The following PAM16 variants were observed in gnomAD, a reference collection of about 807,000 sequenced individuals.
The protein encoded by PAM16 is mitochondrial import inner membrane translocase subunit TIM16.
Under a neutral mutation model 17.9 loss-of-function variants are expected in PAM16, and 11 were observed. The ratio of observed to expected loss-of-function variants is 0.62; its 90% CI spans 0.39 to 1.02. The LOEUF is 1.02. Among genes scored for constraint, PAM16 ranks in the 50% least tolerant of loss-of-function variants. The pLI is 0.01. For missense variants in PAM16, 199 were observed against 165.4 expected (o/e 1.20, Z -1.11); for synonymous variants, 72 against 67.4 (o/e 1.07, Z -0.34).
At chr16:4,345,098 T>C (rs181119522) in intron 1 of PAM16, among the ~76,000 whole-genome samples, 1 of 151,882 alleles carries the variant, frequency 6.6e-6, no homozygotes, top group South Asian at 2.1e-4. Flanking sequence ...AGACAGCACA[T>C]ACAAAGGATC....
rs1279630968 is a variant in PAM16, at chr16:4,340,386, C to G, written c.311G>C (p.Arg104Pro). ...LQSKVVRAKE[R>P]LDEELKIQAQ... is the part of the protein sequence containing the mutation. ...CTGGATTTTGAGTTCCTCATCCAGG[C>G]GCTCCTTTGCGCGGACCACCTAGTG... Residue 104 changes from arginine to proline, a missense_variant, in exon 5 of 5, where the codon CGC becomes CCC. Arg to Pro is a moderately radical substitution (Grantham distance 103, BLOSUM62 -2). Coordinates refer to ENST00000318059, the MANE Select transcript of PAM16 (RefSeq NM_016069.11). The G allele has an allele frequency of 6.2e-7, 1 of 1,612,472 alleles. No homozygotes were observed. The highest frequency in any genetic ancestry group is 1.1e-5 in the South Asian group (1 of 91,086).
At chr16:4,349,306 G>T (rs529860230) in intron 1 of PAM16, among the ~76,000 whole-genome samples, 11 of 152,186 alleles carry the variant, frequency 7.2e-5, no homozygotes, top group South Asian at 6.2e-4. Flanking sequence ...GGTGGCTCAC[G>T]CCTATAATCC....
rs562412323 is a variant in PAM16, at chr16:4,343,932, C to G, written c.4-641G>C. 2.5e-5 allele frequency: 10 copies of G among 398,108 alleles called. No individual in the cohort carries two copies. The South Asian group carries it at 1.3e-3, about 53-fold the overall frequency. The allele number at this position is 398,108 out of a possible 1,614,324, so 24.7% of individuals were successfully genotyped here. ...TCATTTGTGCAGCCATTGGTTCACC[C>G]ATTCATTCAAACATCTGCTGAGAGT... is the stretch of plus-strand genomic sequence containing the variant. On this transcript the variant is annotated intron_variant, in intron 1 of 4. Transcript: ENST00000318059.
chr16:4,345,471 G>A (rs1464604708), intron 1 of PAM16: 1 of 152,174 alleles, frequency 6.6e-6, no homozygotes, highest in African/African-American at 2.4e-5. Flanking sequence ...AAGCCGACAA[G>A]TATCAAGAAC....
chr16:4,344,104 C>A (rs937586381), intron 1 of PAM16: 24 of 397,186 alleles, frequency 6.0e-5, no homozygotes, highest in Admixed American at 4.4e-5. Context: ...CCATGCCCCG[C>A]AGAGGCCCTG....
intron 1 of PAM16, 50 bp from the exon 2 acceptor site, chr16:4,343,341 C>G (rs1424236943): frequency 6.4e-7 from 1 of 1,556,796 alleles, no homozygotes; most frequent in South Asian, 1.2e-5. Context: ...TGTGGGCCCA[C>G]AGAGATGGGC....
Position 4,351,264 on chromosome 16 carries a change from T to A in PAM16, c.-30A>T. On this transcript the variant is annotated 5_prime_UTR_variant, in exon 1 of 5. Transcript: ENST00000318059. ...GCCGCTCTGCCTCCGGGGCTCAAAC[T>A]CCGACTTCCTGGCCCCGCGGCCGGG... The A allele has an allele frequency of 6.8e-7, 1 of 1,462,440 alleles. No homozygotes were observed. The highest frequency in any genetic ancestry group is 9.1e-7 in the Non-Finnish European group (1 of 1,099,270). 90.6% of individuals were successfully genotyped at this position (1,462,440 alleles called of 1,614,324 possible).
chr16:4,340,461 GC>G (rs2053626200), intron 4 of PAM16, 56 bp from the exon 5 acceptor site: 31 of 1,578,230 alleles, frequency 2.0e-5, no homozygotes, highest in Admixed American at 5.1e-5. Flanking sequence ...CATACCCCTT[GC>G]CCACATGGGA....
chr16:4,351,298 G>A lies in PAM16; in HGVS notation c.-64C>T, dbSNP rs555049994. The A allele has an allele frequency of 4.5e-6, 6 of 1,345,376 alleles. No individual in the cohort carries two copies. Among genetic ancestry groups the A allele is most frequent in the Non-Finnish European group, 4.9e-6 (5 of 1,017,114 alleles). 83.3% of individuals were successfully genotyped at this position (1,345,376 alleles called of 1,614,324 possible). ...CTGGCCCCGCGGCCGGGGATCAAGC[G>A]TGGTCGGCGGGTCAGAGGTCAAGGA... On this transcript the variant is annotated 5_prime_UTR_variant, in exon 1 of 5. The change creates a new upstream start codon in the 5' untranslated region. Transcript: ENST00000318059.
chr16:4,343,981 C>A, intron 1 of PAM16: 1 of 398,090 alleles, frequency 2.5e-6, no homozygotes, highest in South Asian at 1.3e-4. Context: ...CACTTGAGCA[C>A]AAAGCTACAC....
chr16:4,350,728 T>A (rs536983827), intron 1 of PAM16, among the ~76,000 whole-genome samples: 2 of 152,264 alleles, frequency 1.3e-5, no homozygotes, highest in East Asian at 1.9e-4. Flanking sequence ...CTACCCTAGG[T>A]GACCTGACAG....
Position 4,351,317 on chromosome 16 carries a change from T to C in PAM16, c.-83A>G, listed in dbSNP as rs755566847. The C allele has an allele frequency of 3.5e-6, 4 of 1,140,662 alleles. No homozygotes were observed. The highest frequency in any genetic ancestry group is 2.1e-5 in the South Asian group (1 of 46,868). 70.7% of individuals were successfully genotyped at this position (1,140,662 alleles called of 1,614,324 possible). A position where few individuals can be genotyped will look rare whatever the true frequency, so the allele number is the denominator to read the frequency against. ...TCAAGCGTGGTCGGCGGGTCAGAGG[T>C]CAAGGAAAGCCGCAGAGAGCGCGTG... On this transcript the variant is annotated 5_prime_UTR_variant, in exon 1 of 5. Coordinates refer to ENST00000318059, the MANE Select transcript of PAM16 (RefSeq NM_016069.11).
In PAM16 at chr16:4,351,223, G is replaced by T; in HGVS notation, c.3+9C>A. On this transcript the variant is annotated intron_variant, in intron 1 of 4. Coordinates refer to ENST00000318059, the MANE Select transcript of PAM16 (RefSeq NM_016069.11). The stretch of plus-strand genomic sequence containing the variant: ...TCCCCTCCCCGGTAGCGCCCGACTC[G>T]GGGCTCACCATGGCAGCCGCTCTGC... 1 of 1,439,828 alleles carries T rather than the reference G, an allele frequency of 6.9e-7. No homozygotes were observed. The allele number at this position is 1,439,828 out of a possible 1,614,324, so 89.2% of individuals were successfully genotyped here. A position where few individuals can be genotyped will look rare whatever the true frequency, so the allele number is the denominator to read the frequency against.
At chr16:4,345,980 T>C in intron 1 of PAM16, 1 of 985,290 alleles carries the variant, frequency 1.0e-6, no homozygotes, top group Non-Finnish European at 1.2e-6. Flanking sequence ...TGCAATCACT[T>C]GTTTACTTTT....
At chr16:4,350,594 G>C (rs1243376942) in intron 1 of PAM16, among the ~76,000 whole-genome samples, 3 of 151,924 alleles carry the variant, frequency 2.0e-5, no homozygotes, top group African/African-American at 7.3e-5. Context: ...GTGGAGACCG[G>C]GTTTCATCAT....
At chr16:4,341,801 C>A in intron 2 of PAM16, 2 of 432,356 alleles carry the variant, frequency 4.6e-6, no homozygotes, top group Non-Finnish European at 4.2e-6. Flanking sequence ...CCCAGGGGAA[C>A]AGCAAATTGG....
chr16:4,344,928 C>T (rs946622376), intron 1 of PAM16, among the ~76,000 whole-genome samples: 1 of 151,840 alleles, frequency 6.6e-6, no homozygotes, highest in Non-Finnish European at 1.5e-5. Flanking sequence ...CTAGGGCTTT[C>T]TAGGCAGAGG....
rs775696253 is a variant in PAM16 at position 4,351,297 on chromosome 16, C to A, written c.-63G>T. 7.4e-7 allele frequency: 1 copy of A among 1,357,404 alleles called. No individual in the cohort carries two copies. Among genetic ancestry groups the A allele is most frequent in the Non-Finnish European group, 9.7e-7 (1 of 1,027,802 alleles). 84.1% of individuals were successfully genotyped at this position (1,357,404 alleles called of 1,614,324 possible). On this transcript the variant is annotated 5_prime_UTR_variant, in exon 1 of 5. Transcript: ENST00000318059. The stretch of plus-strand genomic sequence containing the variant: ...CCTGGCCCCGCGGCCGGGGATCAAG[C>A]GTGGTCGGCGGGTCAGAGGTCAAGG...
chr16:4,342,120 G>A (rs945955457), intron 2 of PAM16, among the ~76,000 whole-genome samples: 4 of 152,140 alleles, frequency 2.6e-5, no homozygotes, highest in Non-Finnish European at 5.9e-5. Context: ...GGAGGCCAAG[G>A]AGGGCAGATC....
Sources: gnomAD v4.1 joint callset for allele counts (sites outside exome capture counted in the v4.1 genomes callset) on GRCh38, gnomAD v4.1.1 for gene constraint, MANE v1.5 for transcripts, NCBI Gene and HGNC (gene_info 2026-07-23, HGNC 2026-07-21) for gene names.